ADAMTS19: variants seen among roughly 807,000 people sequenced by gnomAD.
The protein encoded by ADAMTS19 is ADAM metallopeptidase with thrombospondin type 1 motif 19.
A neutral mutation model predicts 153.3 loss-of-function variants in ADAMTS19; 93 were observed. That is an observed-to-expected ratio of 0.61 (90% CI 0.51 to 0.72). The LOEUF (loss-of-function observed/expected upper bound fraction) is 0.72, where lower values mean the gene tolerates loss of function less well. Among genes scored for constraint, ADAMTS19 ranks in the 30% least tolerant of loss-of-function variants. The pLI is 0.00. For synonymous variants in ADAMTS19, 600 were observed against 556.6 expected, an observed-to-expected ratio of 1.08 and a Z score of -1.10; for missense variants, 1,482 against 1,552.1, an observed-to-expected ratio of 0.95 and a Z score of 0.76.
At chr5:129,573,836 T>C (rs1753998406) in intron 7 of ADAMTS19, among the ~76,000 whole-genome samples, 1 of 150,918 alleles carries the variant, frequency 6.6e-6, no homozygotes, top group South Asian at 2.1e-4. Flanking sequence ...ATTAAAAATG[T>C]TTTGATGGTG....
In ADAMTS19 at chr5:129,653,377, T is replaced by A. The variant is rs113595004; in HGVS notation, c.2177-929T>A. On this transcript the variant is annotated intron_variant, in intron 13 of 22. Coordinates refer to ENST00000274487, the MANE Select transcript of ADAMTS19 (RefSeq NM_133638.6). ...TAGTGTTACCAAATACTGCAGCTCC[T>A]CTGTAGGAGGCTTAGAAATGGACAT... Among the ~76,000 whole-genome samples, 15 of 152,332 alleles carry A rather than the reference T, an allele frequency of 9.8e-5. 4 individuals are homozygous for A. Among genetic ancestry groups the A allele is most frequent in the African/African-American group, 3.6e-4 (15 of 41,580 alleles).
At chr5:129,477,335 G>T (rs1295121204) in intron 2 of ADAMTS19, among the ~76,000 whole-genome samples, 1 of 152,124 alleles carries the variant, frequency 6.6e-6, no homozygotes, top group East Asian at 1.9e-4. Flanking sequence ...GTCCATGGTT[G>T]TTTATTTTGC....
At chr5:129,585,387 A>C (rs1749731940) in intron 7 of ADAMTS19, among the ~76,000 whole-genome samples, 1 of 151,882 alleles carries the variant, frequency 6.6e-6, no homozygotes, top group African/African-American at 2.4e-5. Context: ...TCTAATATAT[A>C]TTATGAACTT....
At position 129,704,256 on chromosome 5, in the gene ADAMTS19, C is replaced by T. The variant is rs765043464; in HGVS notation, c.3177C>T (p.Gly1059=). 1 of 1,613,382 alleles carries T rather than the reference C, an allele frequency of 6.2e-7. No homozygotes were observed. The highest frequency in any genetic ancestry group is 1.1e-5 in the South Asian group (1 of 90,998). Residue 1059 remains glycine, a synonymous_variant, in exon 21 of 23, where the codon GGC becomes GGT. Transcript: ENST00000274487. ...TCTTCCAGTGTTCAGTCAAGTGTGGCAAAGGCATACGTCATCGGACCGTTA... is the reference window on the plus strand; with the variant it reads ...TCTTCCAGTGTTCAGTCAAGTGTGGTAAAGGCATACGTCATCGGACCGTTA... The part of the protein sequence containing the change: ...GVWSECSVKC[G]KGIRHRTVRC...
In ADAMTS19 at chr5:129,533,296, T is replaced by C. The variant is rs139661862; in HGVS notation, c.1328+4619T>C. 2.9e-3 allele frequency among the ~76,000 whole-genome samples: 436 copies of C among 152,282 alleles called. 3 individuals are homozygous for C. The highest frequency in any genetic ancestry group is 9.8e-3 in the African/African-American group (407 of 41,564). ...GCTGGAAATATTGCATATATTGCTT[T>C]GGATACATGTGGGTTTATACATTTG... On this transcript the variant is annotated intron_variant, in intron 6 of 22. Transcript: ENST00000274487.
chr5:129,712,003 A>AT (rs202001263), intron 21 of ADAMTS19, among the ~76,000 whole-genome samples: 3 of 151,590 alleles, frequency 2.0e-5, no homozygotes, highest in Admixed American at 6.6e-5. Flanking sequence ...AGTTATGTAA[A>AT]TTTTTTTTTC....
chr5:129,590,447 CTTAT>C (rs1165909835), intron 7 of ADAMTS19, among the ~76,000 whole-genome samples: 2 of 152,122 alleles, frequency 1.3e-5, no homozygotes, highest in East Asian at 3.9e-4. Flanking sequence ...AATATTCTAT[CTTAT>C]TTGATCAGAG....
At chr5:129,614,336 C>T (rs1332526190) in intron 8 of ADAMTS19, among the ~76,000 whole-genome samples, 5 of 152,104 alleles carry the variant, frequency 3.3e-5, no homozygotes, top group Non-Finnish European at 4.4e-5. Context: ...GCTTATCCAC[C>T]ATGATCAAGT....
rs139252765 is a variant in ADAMTS19 at position 129,480,647 on chromosome 5, T to C, written c.747+18890T>C. Among the ~76,000 whole-genome samples, 11 of 152,248 alleles carry C rather than the reference T, an allele frequency of 7.2e-5. No homozygotes were observed. In the East Asian group the frequency reaches 2.1e-3, roughly 29 times the overall value. On this transcript the variant is annotated intron_variant, in intron 2 of 22. Coordinates refer to ENST00000274487, the MANE Select transcript of ADAMTS19 (RefSeq NM_133638.6). ...AAAAGTTCGTGAAAAAGATGGATAA[T>C]ATTATTAGTCATTAAGAAAGAAATA...
intron 3 of ADAMTS19, 138 bp from the exon 4 acceptor site, chr5:129,526,146 C>T: frequency 1.6e-6 from 1 of 642,914 alleles, no homozygotes; most frequent in African/African-American, 1.9e-5. Context: ...ATTCTAAAGT[C>T]ATATTTCAAA....
At chr5:129,546,227 G>A (rs1427527434) in intron 6 of ADAMTS19, among the ~76,000 whole-genome samples, 2 of 149,226 alleles carry the variant, frequency 1.3e-5, no homozygotes, top group Non-Finnish European at 2.9e-5. Flanking sequence ...CACACTCTGG[G>A]GACTGTGGTG....
intron 2 of ADAMTS19, among the ~76,000 whole-genome samples, chr5:129,481,006 G>A (rs1750387465): frequency 6.6e-6 from 1 of 152,120 alleles, no homozygotes; most frequent in Admixed American, 6.6e-5. Context: ...TAATTGTAGT[G>A]GTTGTTACAT....
Position 129,461,324 on chromosome 5 carries a change from C to T in ADAMTS19, c.314C>T (p.Ser105Leu). The T allele has an allele frequency of 7.5e-7, 1 of 1,328,982 alleles. No individual in the cohort carries two copies. The highest frequency in any genetic ancestry group is 3.1e-5 in the East Asian group (1 of 32,202). The allele number at this position is 1,328,982 out of a possible 1,614,324, so 82.3% of individuals were successfully genotyped here. The stretch of plus-strand genomic sequence containing the variant: ...TTGGAGGAGCCCGTGGAGGGCCGAT[C>T]AGAGTCCCGGCTCCGGCCCCCGCCG... The part of the protein sequence containing the change: ...VPLEEPVEGR[S>L]ESRLRPPPPS... The change falls in exon 2 of 23, where the codon TCA (serine) becomes TTA (leucine). Residue 105 changes from serine (S) to leucine (L), a missense_variant. Ser to Leu is a moderately radical substitution (Grantham distance 145). This residue lies in a region of ADAMTS19 where 866 missense variants were observed against 827.7 expected (regional missense o/e 1.05). Coordinates refer to ENST00000274487, the MANE Select transcript of ADAMTS19 (RefSeq NM_133638.6). This position sits in a 1 kb window ranked among gnomAD's most constrained non-coding sequence, Gnocchi z 4.6.
At chr5:129,519,210 G>T (rs1264017088) in intron 3 of ADAMTS19, among the ~76,000 whole-genome samples, 1 of 152,078 alleles carries the variant, frequency 6.6e-6, no homozygotes, top group Non-Finnish European at 1.5e-5. Context: ...CCAGGACTGG[G>T]TTCCTTTCTT....
At chr5:129,516,894 T>A (rs1751632837) in intron 3 of ADAMTS19, among the ~76,000 whole-genome samples, 2 of 149,956 alleles carry the variant, frequency 1.3e-5, no homozygotes, top group African/African-American at 4.9e-5. Context: ...TTTCCTTTTT[T>A]TTTTTTTTTT....
chr5:129,596,486 CTG>C, intron 7 of ADAMTS19, 71 bp from the exon 8 acceptor site: 1 of 1,012,564 alleles, frequency 9.9e-7, no homozygotes, highest in Non-Finnish European at 1.5e-6. Flanking sequence ...ATTTTCATTC[CTG>C]CTGCTAATAA....
rs1386890661 is a variant in ADAMTS19, at chr5:129,625,052, T to G, written c.1770+2704T>G. ...CCGCCCTCTGTCCAAGTGTTCTCATTGTTCAATTTCGACCTATGAGTGAGA... is the reference window on the plus strand; with the variant it reads ...CCGCCCTCTGTCCAAGTGTTCTCATGGTTCAATTTCGACCTATGAGTGAGA... On this transcript the variant is annotated intron_variant, in intron 10 of 22. Coordinates refer to ENST00000274487, the MANE Select transcript of ADAMTS19 (RefSeq NM_133638.6). 2.0e-5 allele frequency among the ~76,000 whole-genome samples: 3 copies of G among 151,892 alleles called. 1 individual carries two copies. Among genetic ancestry groups the G allele is most frequent in the Non-Finnish European group, 4.4e-5 (3 of 67,980 alleles).
chr5:129,561,819 ACTATCTAT>A (rs3071537), intron 7 of ADAMTS19, among the ~76,000 whole-genome samples: 1,617 of 148,170 alleles, frequency 0.011, 12 homozygotes, highest in Middle Eastern at 0.038. Flanking sequence ...ATTTCACCCT[ACTATCTAT>A]CTATCTATCT....
intron 14 of ADAMTS19, among the ~76,000 whole-genome samples, chr5:129,655,224 G>A (rs1367361204): frequency 6.6e-6 from 1 of 152,212 alleles, no homozygotes. Context: ...AGCTGACCCT[G>A]TGGGAAGTGC....
Sources: allele counts gnomAD v4.1 joint callset (sites outside exome capture counted in the v4.1 genomes callset), GRCh38; gene constraint gnomAD v4.1.1; regional missense constraint gnomAD v4.1.1; non-coding constraint Gnocchi (gnomAD v3.1); transcripts MANE v1.5; gene names NCBI Gene and HGNC (gene_info 2026-07-23, HGNC 2026-07-21).